Variants in ZHX2 observed in about 807,000 individuals in gnomAD.
The protein encoded by ZHX2 is zinc fingers and homeoboxes 2.
A neutral mutation model predicts 21.9 loss-of-function variants in ZHX2; 6 were observed. The ratio of observed to expected loss-of-function variants is 0.27; its 90% CI spans 0.15 to 0.54. The LOEUF is 0.54. Among genes scored for constraint, ZHX2 ranks in the 20% least tolerant of loss-of-function variants. The probability of loss-of-function intolerance (pLI) is 0.95; values close to 1 mark genes in which losing one functional copy is unlikely to be tolerated. For synonymous variants in ZHX2, 434 were observed against 437.1 expected, an observed-to-expected ratio of 0.99 and a Z score of 0.09; for missense variants, 908 against 1,090.7, an observed-to-expected ratio of 0.83 and a Z score of 2.36.
chr8:122,796,456 G>A (rs946445371), intron 1 of ZHX2, among the ~76,000 whole-genome samples: 2 of 152,302 alleles, frequency 1.3e-5, no homozygotes, highest in Non-Finnish European at 2.9e-5. Context: ...ATTTATCTTA[G>A]TGTGCCATCT....
At position 122,860,147 on chromosome 8, in the gene ZHX2, C is replaced by A. The variant is rs1019163487; in HGVS notation, c.-282-3330C>A. On this transcript the variant is annotated intron_variant, in intron 1 of 3. Coordinates refer to ENST00000314393, the MANE Select transcript of ZHX2 (RefSeq NM_014943.5). The stretch of plus-strand genomic sequence containing the variant: ...TCTTCACAAGGCAGCAGGAAGGAGA[C>A]GCAGTGAGCGAAGGGGGAAGAGCTC... 2.6e-5 allele frequency among the ~76,000 whole-genome samples: 4 copies of A among 152,130 alleles called. No individual in the cohort carries two copies. The South Asian group carries it at 8.3e-4, about 32-fold the overall frequency.
chr8:122,966,593 C>G (rs778247536), intron 3 of ZHX2, among the ~76,000 whole-genome samples: 1 of 152,108 alleles, frequency 6.6e-6, no homozygotes, highest in African/African-American at 2.4e-5. Context: ...AGATTCTTTC[C>G]TTCATCTTGA....
intron 1 of ZHX2, among the ~76,000 whole-genome samples, chr8:122,856,709 G>A (rs201778113): frequency 2.6e-5 from 4 of 152,158 alleles, no homozygotes; most frequent in East Asian, 1.9e-4. Flanking sequence ...TTCCCTCAAC[G>A]AATCAGATCG....
At chr8:122,814,666 C>G (rs1586584283) in intron 1 of ZHX2, among the ~76,000 whole-genome samples, 1 of 152,322 alleles carries the variant, frequency 6.6e-6, no homozygotes, top group South Asian at 2.1e-4. Context: ...CAGCCCTGAG[C>G]AGGTTCTTCT....
chr8:122,825,880 A>G (rs1818254450), intron 1 of ZHX2, among the ~76,000 whole-genome samples: 1 of 152,108 alleles, frequency 6.6e-6, no homozygotes, highest in African/African-American at 2.4e-5. Context: ...CAAGCCATAA[A>G]TTCCCCTCTC....
At chr8:122,903,437 C>T (rs1338881608) in intron 2 of ZHX2, among the ~76,000 whole-genome samples, 1 of 152,170 alleles carries the variant, frequency 6.6e-6, no homozygotes, top group African/African-American at 2.4e-5. Flanking sequence ...AGTAAAAGGA[C>T]CAAATCCTGA....
intron 2 of ZHX2, among the ~76,000 whole-genome samples, chr8:122,932,805 A>G (rs972253308): frequency 2.0e-5 from 3 of 152,128 alleles, no homozygotes; most frequent in African/African-American, 7.2e-5. Flanking sequence ...GATTCCAGGA[A>G]TTAGGACCTG....
At chr8:122,851,505 G>T (rs1360991042) in intron 1 of ZHX2, among the ~76,000 whole-genome samples, 1 of 152,104 alleles carries the variant, frequency 6.6e-6, no homozygotes, top group East Asian at 1.9e-4. Flanking sequence ...CTTTATTCTG[G>T]TTTTTCTTCA....
At chr8:122,961,821 A>G (rs1038752258) in intron 3 of ZHX2, among the ~76,000 whole-genome samples, 3 of 152,178 alleles carry the variant, frequency 2.0e-5, no homozygotes, top group African/African-American at 7.2e-5. Flanking sequence ...TTGGGTGGGG[A>G]CACAAAGCCT....
intron 2 of ZHX2, among the ~76,000 whole-genome samples, chr8:122,897,288 G>A (rs1820121225): frequency 1.3e-5 from 2 of 152,210 alleles, no homozygotes; most frequent in African/African-American, 2.4e-5. Flanking sequence ...AAGAAAAATA[G>A]TACCTACCTC....
chr8:122,934,635 C>T (rs1467961995), intron 2 of ZHX2, among the ~76,000 whole-genome samples: 1 of 148,676 alleles, frequency 6.7e-6, no homozygotes, highest in Non-Finnish European at 1.5e-5. Context: ...TCCTTCCTTC[C>T]TTCCTTCCTT....
At chr8:122,920,798 C>T (rs993633225) in intron 2 of ZHX2, among the ~76,000 whole-genome samples, 1 of 152,134 alleles carries the variant, frequency 6.6e-6, no homozygotes, top group African/African-American at 2.4e-5. Context: ...AGGGCAGGAT[C>T]GATGTGATGA....
chr8:122,835,056 G>A (rs1434921963), intron 1 of ZHX2, among the ~76,000 whole-genome samples: 1 of 152,194 alleles, frequency 6.6e-6, no homozygotes, highest in Non-Finnish European at 1.5e-5. Flanking sequence ...TCTGGGGTGA[G>A]GGTGGAAGAG....
intron 1 of ZHX2, among the ~76,000 whole-genome samples, chr8:122,843,411 A>G (rs1818681431): frequency 6.6e-6 from 1 of 152,188 alleles, no homozygotes; most frequent in South Asian, 2.1e-4. Flanking sequence ...GGGAATTTCA[A>G]ACCAGGTTCA....
intron 1 of ZHX2, among the ~76,000 whole-genome samples, chr8:122,852,680 G>A (rs1052985122): frequency 1.3e-5 from 2 of 152,148 alleles, no homozygotes; most frequent in African/African-American, 4.8e-5. Flanking sequence ...AATCTGGGAG[G>A]AGTTTTGAGT....
intron 1 of ZHX2, among the ~76,000 whole-genome samples, chr8:122,788,704 C>T (rs1207631541): frequency 2.6e-5 from 4 of 152,184 alleles, no homozygotes; most frequent in Admixed American, 2.0e-4. Context: ...TGTTATTGTA[C>T]GTAAGTCTTC....
chr8:122,880,675 A>T (rs1370768267), intron 2 of ZHX2, among the ~76,000 whole-genome samples: 1 of 151,862 alleles, frequency 6.6e-6, no homozygotes, highest in Non-Finnish European at 1.5e-5. Flanking sequence ...TTCAGGAGGC[A>T]GAGGCAGGAA....
At chr8:122,860,493 A>G (rs1319678536) in intron 1 of ZHX2, among the ~76,000 whole-genome samples, 1 of 152,292 alleles carries the variant, frequency 6.6e-6, no homozygotes. Context: ...CAATTCATGC[A>G]ACTCTTTAAC....
At chr8:122,815,239 G>C (rs1156259555) in intron 1 of ZHX2, among the ~76,000 whole-genome samples, 1 of 152,172 alleles carries the variant, frequency 6.6e-6, no homozygotes, top group Non-Finnish European at 1.5e-5. Flanking sequence ...TCTCCGTTAG[G>C]TACAATAGGC....
Sources: allele counts gnomAD v4.1 joint callset (sites outside exome capture counted in the v4.1 genomes callset), GRCh38; gene constraint gnomAD v4.1.1; transcripts MANE v1.5; gene names NCBI Gene and HGNC (gene_info 2026-07-23, HGNC 2026-07-21).